The following PTPRK variants were observed in gnomAD, a reference collection of about 807,000 sequenced individuals.
PTPRK encodes receptor-type tyrosine-protein phosphatase kappa.
A neutral mutation model predicts 178.0 loss-of-function variants in PTPRK; 75 were observed. The ratio of observed to expected loss-of-function variants is 0.42; its 90% CI spans 0.35 to 0.51. PTPRK has a LOEUF of 0.51. PTPRK is among the 20% of genes least tolerant of loss of function. PTPRK has a pLI of 0.02. For synonymous variants in PTPRK, 637 were observed against 620.6 expected (o/e 1.03, Z -0.39); for missense variants, 1,441 against 1,797.8 (o/e 0.80, Z 3.59).
chr6:128,096,671 C>T (rs138448570), intron 7 of PTPRK, among the ~76,000 whole-genome samples: 87 of 152,236 alleles, frequency 5.7e-4, no homozygotes, highest in African/African-American at 2.0e-3. Context: ...AAACTAAGAA[C>T]GCTGAAGCAT....
intron 1 of PTPRK, among the ~76,000 whole-genome samples, chr6:128,428,144 G>A (rs1166311459): frequency 6.6e-6 from 1 of 152,104 alleles, no homozygotes; most frequent in Non-Finnish European, 1.5e-5. Context: ...ACAGTGAAAT[G>A]AGAAATCATA....
At chr6:128,119,113 T>C (rs1216520855) in intron 7 of PTPRK, among the ~76,000 whole-genome samples, 1 of 152,150 alleles carries the variant, frequency 6.6e-6, no homozygotes, top group Non-Finnish European at 1.5e-5. Context: ...CTAAATAACA[T>C]ATAATCTAGT....
intron 21 of PTPRK, among the ~76,000 whole-genome samples, chr6:127,990,399 G>A (rs1030693340): frequency 2.0e-5 from 3 of 151,982 alleles, no homozygotes; most frequent in Admixed American, 6.6e-5. Context: ...TCAACAATGA[G>A]TTTTTCTTTG....
rs540202628 is a variant in PTPRK, at chr6:128,331,407, A to T, written c.224-9097T>A. ...AACAGAGGGACTGTGTAACCTGTAA[A>T]CTTGGCAAGCTCCACTGAAGGTAAG... On this transcript the variant is annotated intron_variant, in intron 2 of 29. Coordinates refer to ENST00000368226, the MANE Select transcript of PTPRK (RefSeq NM_002844.4). Among the ~76,000 whole-genome samples the T allele has an allele frequency of 4.7e-4, 71 of 152,228 alleles. No homozygotes were observed. The South Asian group carries it at 0.014, about 30-fold the overall frequency.
intron 6 of PTPRK, among the ~76,000 whole-genome samples, chr6:128,213,781 T>A (rs1159917854): frequency 6.6e-6 from 1 of 152,098 alleles, no homozygotes; most frequent in African/African-American, 2.4e-5. Context: ...TAATTTTATG[T>A]ACAAAAAGAT....
In PTPRK at chr6:128,318,500, G is replaced by A. The variant is rs144108545; in HGVS notation, c.495+3539C>T. 4.3e-3 allele frequency among the ~76,000 whole-genome samples: 657 copies of A among 152,166 alleles called. 3 individuals carry two copies. The highest frequency in any genetic ancestry group is 6.9e-3 in the Non-Finnish European group (470 of 67,980). On this transcript the variant is annotated intron_variant, in intron 3 of 29. Coordinates refer to ENST00000368226, the MANE Select transcript of PTPRK (RefSeq NM_002844.4). ...GTGTTTGTTTCTCCATGTATTGGGG[G>A]AGAAAAAGGCACTTTCTGCTATACT...
intron 1 of PTPRK, among the ~76,000 whole-genome samples, chr6:128,460,240 A>G (rs1197352922): frequency 6.6e-6 from 1 of 152,128 alleles, no homozygotes; most frequent in African/African-American, 2.4e-5. Context: ...TGGTTTGAAA[A>G]TCATCAAGAA....
chr6:128,380,576 A>G (rs960547381), intron 2 of PTPRK, among the ~76,000 whole-genome samples: 10 of 149,686 alleles, frequency 6.7e-5, no homozygotes, highest in East Asian at 2.0e-4. Context: ...GTGTGTGTGT[A>G]TGCAATATTA....
chr6:128,019,454 T>C (rs1010993679), intron 13 of PTPRK, among the ~76,000 whole-genome samples: 1 of 152,036 alleles, frequency 6.6e-6, no homozygotes, highest in Non-Finnish European at 1.5e-5. Context: ...TCACATTCTT[T>C]TGGGGACAAA....
At chr6:128,159,784 C>G (rs1156278366) in intron 7 of PTPRK, among the ~76,000 whole-genome samples, 2 of 151,618 alleles carry the variant, frequency 1.3e-5, no homozygotes, top group African/African-American at 4.8e-5. Flanking sequence ...TGAACCTGCT[C>G]TGAAGACATG....
At chr6:128,325,200 T>C (rs1158897298) in intron 2 of PTPRK, among the ~76,000 whole-genome samples, 1 of 152,190 alleles carries the variant, frequency 6.6e-6, no homozygotes, top group African/African-American at 2.4e-5. Flanking sequence ...GAGAAAACTA[T>C]ATATGCTTTT....
intron 13 of PTPRK, among the ~76,000 whole-genome samples, chr6:128,060,435 C>T (rs955036982): frequency 2.0e-5 from 3 of 152,064 alleles, no homozygotes; most frequent in African/African-American, 7.2e-5. Flanking sequence ...GTCCTGTATC[C>T]CGAATTTAAG....
chr6:128,252,452 T>C (rs914151638), intron 3 of PTPRK, among the ~76,000 whole-genome samples: 4 of 152,228 alleles, frequency 2.6e-5, no homozygotes, highest in Admixed American at 1.3e-4. Context: ...CAAAAACACA[T>C]GACTTCTTAG....
At chr6:128,463,289 T>A (rs1485813605) in intron 1 of PTPRK, among the ~76,000 whole-genome samples, 2 of 152,188 alleles carry the variant, frequency 1.3e-5, no homozygotes, top group Non-Finnish European at 2.9e-5. Context: ...TGCTTGTTTA[T>A]ACTATCTATT....
At chr6:128,197,572 A>G (rs1169187521) in intron 6 of PTPRK, among the ~76,000 whole-genome samples, 1 of 152,076 alleles carries the variant, frequency 6.6e-6, no homozygotes, top group Non-Finnish European at 1.5e-5. Context: ...AAATGTACTC[A>G]TTGTATATTT....
At chr6:128,407,024 C>T (rs1424639923) in intron 1 of PTPRK, among the ~76,000 whole-genome samples, 1 of 152,180 alleles carries the variant, frequency 6.6e-6, no homozygotes, top group African/African-American at 2.4e-5. Context: ...TCTATACCAA[C>T]AAAGAAACTA....
At chr6:128,153,497 C>T (rs1474210576) in intron 7 of PTPRK, among the ~76,000 whole-genome samples, 1 of 151,858 alleles carries the variant, frequency 6.6e-6, no homozygotes, top group African/African-American at 2.4e-5. Context: ...AAGTGTTTTC[C>T]AGATTTTGAT....
At chr6:128,074,917 T>C (rs1350389943) in intron 11 of PTPRK, among the ~76,000 whole-genome samples, 1 of 152,028 alleles carries the variant, frequency 6.6e-6, no homozygotes. Context: ...ATATATAAAA[T>C]AACTCCTCTT....
intron 1 of PTPRK, among the ~76,000 whole-genome samples, chr6:128,465,149 G>C (rs1584847978): frequency 6.7e-6 from 1 of 149,104 alleles, no homozygotes; most frequent in African/African-American, 2.4e-5. Context: ...AATGAACGTG[G>C]GACCCAGGGA....
Sources: gnomAD v4.1 joint callset for allele counts (sites outside exome capture counted in the v4.1 genomes callset) on GRCh38, gnomAD v4.1.1 for gene constraint, MANE v1.5 for transcripts, NCBI Gene and HGNC (gene_info 2026-07-23, HGNC 2026-07-21) for gene names.